Variants in CADM2 observed in about 807,000 individuals in gnomAD.
CADM2 encodes immunoglobulin superfamily member 4D.
In CADM2, 12 loss-of-function variants were observed where a neutral mutation model predicts 49.8. That is an observed-to-expected ratio of 0.24 (90% confidence interval 0.15 to 0.39). The LOEUF is 0.39. Among genes scored for constraint, CADM2 ranks in the 10% least tolerant of loss-of-function variants. The probability of loss-of-function intolerance (pLI) is 1.00; values close to 1 mark genes in which losing one functional copy is unlikely to be tolerated. For missense variants in CADM2, 378 were observed against 492.3 expected (o/e 0.77, Z 2.20); for synonymous variants, 214 against 175.4 (o/e 1.22, Z -1.74).
At chr3:85,191,092 T>C (rs1225581885) in intron 1 of CADM2, among the ~76,000 whole-genome samples, 6 of 152,056 alleles carry the variant, frequency 3.9e-5, no homozygotes, top group Non-Finnish European at 5.9e-5. Flanking sequence ...ATTAAATAAA[T>C]AGAAGTCTTT....
intron 3 of CADM2, among the ~76,000 whole-genome samples, chr3:85,873,602 G>A (rs1416716851): frequency 2.0e-5 from 3 of 152,084 alleles, no homozygotes; most frequent in Non-Finnish European, 4.4e-5. Context: ...GGAGGCAGAG[G>A]TTGCAGTGGG....
intron 1 of CADM2, among the ~76,000 whole-genome samples, chr3:85,178,843 T>C (rs184509702): frequency 2.0e-4 from 30 of 151,966 alleles, no homozygotes; most frequent in African/African-American, 7.2e-4. Flanking sequence ...GAAAGTTCTC[T>C]TTTGGTTAAC....
intron 1 of CADM2, among the ~76,000 whole-genome samples, chr3:85,374,773 T>C (rs1297570821): frequency 6.6e-6 from 1 of 152,062 alleles, no homozygotes; most frequent in Non-Finnish European, 1.5e-5. Flanking sequence ...CCATCAGATC[T>C]TGTGAGACTT....
chr3:84,984,947 G>A (rs1157872593), intron 1 of CADM2, among the ~76,000 whole-genome samples: 1 of 152,018 alleles, frequency 6.6e-6, no homozygotes, highest in African/African-American at 2.4e-5. Flanking sequence ...TTTATGAGAC[G>A]GTGTTTCTAA....
chr3:85,795,078 A>G (rs1056491877), intron 2 of CADM2, among the ~76,000 whole-genome samples: 1 of 152,120 alleles, frequency 6.6e-6, no homozygotes, highest in African/African-American at 2.4e-5. Context: ...TCACCTCACC[A>G]ACTTAACCAT....
At chr3:85,126,221 G>GGGAAATCTGTATAA (rs1200148833) in intron 1 of CADM2, among the ~76,000 whole-genome samples, 5 of 152,066 alleles carry the variant, frequency 3.3e-5, no homozygotes, top group African/African-American at 1.2e-4. Context: ...ATTATAATAG[G>GGGAAATCTGTATAA]TAGAATCAGT....
At chr3:85,890,411 C>T (rs1714267279) in intron 5 of CADM2, among the ~76,000 whole-genome samples, 1 of 152,100 alleles carries the variant, frequency 6.6e-6, no homozygotes, top group Non-Finnish European at 1.5e-5. Context: ...ATGCACTGGT[C>T]TCAGATAGGC....
intron 1 of CADM2, among the ~76,000 whole-genome samples, chr3:85,166,746 T>C (rs1393203436): frequency 6.6e-6 from 1 of 151,958 alleles, no homozygotes; most frequent in Non-Finnish European, 1.5e-5. Flanking sequence ...AATACTGTTT[T>C]TAGAAAATAT....
At chr3:85,792,529 A>G (rs531769697) in intron 2 of CADM2, among the ~76,000 whole-genome samples, 1 of 152,298 alleles carries the variant, frequency 6.6e-6, no homozygotes, top group South Asian at 2.1e-4. Context: ...AAAACTACCA[A>G]CTAACTCACT....
At chr3:85,720,359 A>C (rs2067454974) in intron 1 of CADM2, among the ~76,000 whole-genome samples, 1 of 152,126 alleles carries the variant, frequency 6.6e-6, no homozygotes, top group South Asian at 2.1e-4. Context: ...CCTTTTACTG[A>C]TATTACCTGA....
chr3:85,815,110 T>C (rs1261835580), intron 3 of CADM2, among the ~76,000 whole-genome samples: 1 of 152,036 alleles, frequency 6.6e-6, no homozygotes, highest in Non-Finnish European at 1.5e-5. Context: ...ATGGATAGCC[T>C]ACAAACTGAA....
chr3:85,552,218 A>G (rs1216513399), intron 1 of CADM2, among the ~76,000 whole-genome samples: 1 of 152,174 alleles, frequency 6.6e-6, no homozygotes, highest in Non-Finnish European at 1.5e-5. Flanking sequence ...TTGACTCATT[A>G]AAGATCAAAC....
chr3:85,154,369 C>T (rs955966479), intron 1 of CADM2, among the ~76,000 whole-genome samples: 16 of 151,750 alleles, frequency 1.1e-4, no homozygotes, highest in African/African-American at 1.5e-4. Context: ...TGAAATGAAG[C>T]GAGAAGGGAA....
chr3:85,512,006 T>G (rs1343824087), intron 1 of CADM2: 1 of 397,482 alleles, frequency 2.5e-6, no homozygotes, highest in African/African-American at 2.2e-5. Flanking sequence ...TTTTAAAATT[T>G]TTTTCAACTC....
chr3:86,037,958 G>A (rs1735378117), intron 8 of CADM2, among the ~76,000 whole-genome samples: 1 of 152,050 alleles, frequency 6.6e-6, no homozygotes, highest in Non-Finnish European at 1.5e-5. Flanking sequence ...CATACATTAG[G>A]TATTTGTGCT....
intron 2 of CADM2, among the ~76,000 whole-genome samples, chr3:85,773,047 G>A (rs1458565314): frequency 1.3e-5 from 2 of 151,976 alleles, no homozygotes; most frequent in Non-Finnish European, 2.9e-5. Context: ...AAGCAGCTGA[G>A]ATACACATAT....
At chr3:85,821,626 T>C (rs2073574090) in intron 3 of CADM2, among the ~76,000 whole-genome samples, 1 of 152,160 alleles carries the variant, frequency 6.6e-6, no homozygotes, top group African/African-American at 2.4e-5. Flanking sequence ...AGGAACTGTT[T>C]TATCTTCTAT....
At chr3:84,960,439 C>T (rs1325482971) in intron 1 of CADM2, 1 of 151,330 alleles carries the variant, frequency 6.6e-6, no homozygotes, top group East Asian at 1.9e-4. Flanking sequence ...CCCAAACCCA[C>T]TTTATCAACA....
At chr3:85,153,959 C>A (rs892585894) in intron 1 of CADM2, among the ~76,000 whole-genome samples, 1 of 151,938 alleles carries the variant, frequency 6.6e-6, no homozygotes, top group Non-Finnish European at 1.5e-5. Flanking sequence ...CATCAAAGAC[C>A]AAAAGTAGAT....
Sources: allele counts gnomAD v4.1 joint callset (sites outside exome capture counted in the v4.1 genomes callset), GRCh38; gene constraint gnomAD v4.1.1; transcripts MANE v1.5; gene names NCBI Gene and HGNC (gene_info 2026-07-23, HGNC 2026-07-21).